Variants in ADGRD2 observed in about 807,000 individuals in gnomAD.
The protein encoded by ADGRD2 is adhesion G protein-coupled receptor D2, also known as G protein-coupled receptor PGR24.
ADGRD2 carries 71 observed loss-of-function variants against 44.4 expected under a neutral mutation model. The ratio of observed to expected loss-of-function variants is 1.60; its 90% CI spans 1.32 to 1.95. The LOEUF is 1.95. Among genes scored for constraint, ADGRD2 ranks in the 30% most tolerant of loss-of-function variants. The pLI is 0.00. For missense variants in ADGRD2, 1,039 were observed against 512.4 expected, an observed-to-expected ratio of 2.03 and a Z score of -9.92; for synonymous variants, 481 against 224.8, an observed-to-expected ratio of 2.14 and a Z score of -10.19.
intron 10 of ADGRD2, chr9:124,465,978 T>C (rs1360797126): frequency 3.7e-5 from 10 of 270,720 alleles, no homozygotes; most frequent in Non-Finnish European, 6.9e-5. Flanking sequence ...CCTGGCTCCC[T>C]GCCCTGGATC....
chr9:124,475,818 C>A (rs1165836404), intron 19 of ADGRD2, among the ~76,000 whole-genome samples: 1 of 152,190 alleles, frequency 6.6e-6, no homozygotes, highest in Non-Finnish European at 1.5e-5. Flanking sequence ...GAGGTACTCG[C>A]AGCACCCAGG....
exon 22 of ADGRD2, chr9:124,478,392 C>T (rs1832088347): frequency 6.6e-6 from 1 of 152,500 alleles, no homozygotes; most frequent in Non-Finnish European, 1.5e-5. Context: ...CAACAGCGGC[C>T]CCAGCTCCCG....
chr9:124,458,632 G>A (rs778729158), exon 10 of ADGRD2: 1 of 718,696 alleles, frequency 1.4e-6, no homozygotes, highest in Non-Finnish European at 2.6e-6. Context: ...AAGCACCCAG[G>A]TGGGGTCAGC....
chr9:124,465,997 A>T, intron 10 of ADGRD2: 1 of 300,262 alleles, frequency 3.3e-6, no homozygotes, highest in Non-Finnish European at 6.1e-6. Flanking sequence ...TCTTTAGCTG[A>T]GGTAGGGAAC....
intron 10 of ADGRD2, among the ~76,000 whole-genome samples, chr9:124,460,470 G>A (rs28458279): frequency 0.048 from 7,194 of 150,188 alleles, 526 homozygotes; most frequent in African/African-American, 0.16. Context: ...TGCCTGCCTC[G>A]GCCTCCCAAA....
chr9:124,467,470 C>T (rs954906584), intron 11 of ADGRD2: 8 of 497,358 alleles, frequency 1.6e-5, no homozygotes, highest in African/African-American at 1.9e-5. Context: ...TTTGTCAGCA[C>T]TCTTAGTAAT....
intron 11 of ADGRD2, 168 bp downstream of exon 14, chr9:124,466,581 C>T (rs982615451): frequency 2.5e-5 from 11 of 443,452 alleles, no homozygotes; most frequent in Admixed American, 7.8e-5. Flanking sequence ...GCACTTTGGG[C>T]GGCTGATCAC....
intron 21 of ADGRD2, among the ~76,000 whole-genome samples, chr9:124,477,970 A>C (rs1832080248): frequency 1.4e-5 from 2 of 147,312 alleles, no homozygotes; most frequent in East Asian, 2.1e-4. Context: ...CGGACCCCCC[A>C]CCCGGCCCGG....
Position 124,475,431 on chromosome 9 carries a change from T to C in ADGRD2, c.2759-15T>C, listed in dbSNP as rs548694396. ...GGAGGCTCCGGGCTGAGGCACTCGC[T>C]GGGTCTGTCCTCAGGGGCTGTACAT... On this transcript the variant is annotated splice_polypyrimidine_tract_variant and intron_variant, in intron 17 of 21. Coordinates refer to ENST00000334810, the Ensembl canonical transcript of ADGRD2. 27 of 710,842 alleles carry C rather than the reference T, an allele frequency of 3.8e-5. No individual in the cohort carries two copies. Among genetic ancestry groups the C allele is most frequent in the Non-Finnish European group, 5.8e-5 (22 of 380,998 alleles). 44.0% of individuals were successfully genotyped at this position (710,842 alleles called of 1,614,324 possible).
chr9:124,456,886 G>A (rs1348118393), intron 7 of ADGRD2, among the ~76,000 whole-genome samples, 153 bp downstream of exon 10: 1 of 152,086 alleles, frequency 6.6e-6, no homozygotes, highest in Non-Finnish European at 1.5e-5. Flanking sequence ...TCTCTCCCTC[G>A]ATCTCCTAGC....
upstream of ADGRD2, chr9:124,451,593 G>A (rs1320782882): frequency 1.4e-5 from 4 of 280,544 alleles, no homozygotes; most frequent in African/African-American, 2.2e-5. Flanking sequence ...GCTTTCCTGC[G>A]ACTTTTTTTT....
At position 124,460,083 on chromosome 9, in the gene ADGRD2, TGGAC is replaced by T. The variant is rs1275077570; in HGVS notation, c.1870+1363_1870+1366del. ...CTTCTTTGCTCACAACCAGTAATCT[TGGAC>T]ACACACACACACACACACACACACC... On this transcript the variant is annotated intron_variant, in intron 10 of 21. Coordinates refer to ENST00000334810, the Ensembl canonical transcript of ADGRD2. 1.5e-4 allele frequency among the ~76,000 whole-genome samples: 12 copies of T among 81,304 alleles called. No individual in the cohort carries two copies. In the South Asian group the frequency reaches 4.2e-3, roughly 29 times the overall value. 53.3% of individuals were successfully genotyped at this position (81,304 alleles called of 152,430 possible).
chr9:124,459,847 G>A (rs1017848348), intron 10 of ADGRD2, among the ~76,000 whole-genome samples: 1 of 151,996 alleles, frequency 6.6e-6, no homozygotes, highest in African/African-American at 2.4e-5. Flanking sequence ...AGCAGGTTTT[G>A]GCATCCTTGG....
At chr9:124,471,990 G>T (rs1043280578) in intron 17 of ADGRD2, among the ~76,000 whole-genome samples, 1 of 152,194 alleles carries the variant, frequency 6.6e-6, no homozygotes, top group Admixed American at 6.5e-5. Context: ...CCTGTCACAC[G>T]GTGGGGCAGG....
intron 10 of ADGRD2, among the ~76,000 whole-genome samples, chr9:124,463,074 A>G (rs986910366): frequency 6.6e-6 from 1 of 151,884 alleles, no homozygotes; most frequent in Non-Finnish European, 1.5e-5. Context: ...TCCTTGTCTC[A>G]TTCTTTGTCT....
chr9:124,465,104 C>T (rs1831793853), intron 10 of ADGRD2: 1 of 152,950 alleles, frequency 6.5e-6, no homozygotes, highest in African/African-American at 2.4e-5. Flanking sequence ...TCTGCCTCCC[C>T]TCTGCCCCTT....
chr9:124,476,819 G>A (rs1588611348), intron 21 of ADGRD2, 110 bp downstream of exon 24: 5 of 671,822 alleles, frequency 7.4e-6, no homozygotes, highest in Admixed American at 2.1e-5. Context: ...CCAACCTCCC[G>A]CAATTGCAGA....
upstream of ADGRD2, chr9:124,451,780 C>G (rs1319692594): frequency 3.0e-6 from 1 of 335,346 alleles, no homozygotes; most frequent in African/African-American, 2.2e-5. Flanking sequence ...AAGTGGCCAT[C>G]CTTACCTCAT....
At chr9:124,452,701 C>G in exon 2 of ADGRD2, 1 of 715,194 alleles carries the variant, frequency 1.4e-6, no homozygotes, top group Non-Finnish European at 2.6e-6. Flanking sequence ...AGAGGCCCCT[C>G]TGCGGAGACC....
Sources: gnomAD v4.1 joint callset for allele counts (sites outside exome capture counted in the v4.1 genomes callset) on GRCh38, gnomAD v4.1.1 for gene constraint, MANE v1.5 for transcripts, NCBI Gene and HGNC (gene_info 2026-07-23, HGNC 2026-07-21) for gene names.